IQSEC2: variants seen among roughly 807,000 people sequenced by gnomAD.
IQSEC2 encodes the protein IQ motif and SEC7 domain-containing protein 2.
IQSEC2 carries 6 observed loss-of-function variants against 74.6 expected under a neutral mutation model. The ratio of observed to expected loss-of-function variants is 0.08; its 90% confidence interval spans 0.04 to 0.16. The LOEUF (loss-of-function observed/expected upper bound fraction) is 0.16, where lower values mean the gene tolerates loss of function less well. Among genes scored for constraint, IQSEC2 ranks in the 10% least tolerant of loss-of-function variants. The pLI is 1.00. For synonymous variants in IQSEC2, 494 were observed against 544.5 expected (o/e 0.91, Z 1.29); for missense variants, 734 against 1,306.2 (o/e 0.56, Z 6.75).
intron 1 of IQSEC2, among the ~76,000 whole-genome samples, chrX:53,295,117 C>T (rs2075138038): frequency 8.9e-6 from 1 of 112,002 alleles, no homozygotes; most frequent in South Asian, 3.7e-4. Context: ...GCCACTGCAC[C>T]TGGCCAGCCT....
chrX:53,288,896 T>C (rs1408482364), intron 2 of IQSEC2, among the ~76,000 whole-genome samples: 3 of 111,207 alleles, frequency 2.7e-5, no homozygotes, highest in Non-Finnish European at 5.7e-5. Flanking sequence ...TATCTTTAGG[T>C]CAGATCTGTG....
intron 9 of IQSEC2, among the ~76,000 whole-genome samples, chrX:53,242,433 C>CAAAAAA (rs138931001): frequency 5.6e-5 from 2 of 36,004 alleles, no homozygotes; most frequent in African/African-American, 2.1e-4. Context: ...AACTCCATGT[C>CAAAAAA]AAAAAAAAAA....
intron 1 of IQSEC2, among the ~76,000 whole-genome samples, chrX:53,309,274 G>A (rs1556877479): frequency 8.9e-6 from 1 of 112,098 alleles, no homozygotes; most frequent in Non-Finnish European, 1.9e-5. Context: ...ACCGCCAGAA[G>A]AACTAAATGG....
intron 2 of IQSEC2, among the ~76,000 whole-genome samples, chrX:53,274,652 G>A (rs180866254): frequency 4.6e-5 from 5 of 108,162 alleles, no homozygotes; most frequent in Admixed American, 4.0e-4. Context: ...TACTAGAGAC[G>A]GAGTTTCACC....
At chrX:53,311,142 A>C (rs1283603788) in intron 1 of IQSEC2, among the ~76,000 whole-genome samples, 1 of 101,387 alleles carries the variant, frequency 9.9e-6, no homozygotes, top group Non-Finnish European at 2.0e-5. Flanking sequence ...AAAAGAAAAG[A>C]AAAGAAAAGA....
chrX:53,261,892 C>A (rs1283790556), intron 2 of IQSEC2, among the ~76,000 whole-genome samples: 1 of 112,179 alleles, frequency 8.9e-6, no homozygotes, highest in Non-Finnish European at 1.9e-5. Context: ...AATAAACTCG[C>A]ACTTACTGCG....
chrX:53,313,999 A>G (rs1205296776), intron 1 of IQSEC2, among the ~76,000 whole-genome samples: 3 of 112,022 alleles, frequency 2.7e-5, no homozygotes, highest in Non-Finnish European at 5.6e-5. Flanking sequence ...AAAAGAATTT[A>G]TTTTTCCTTA....
At chrX:53,277,946 C>G (rs898378928) in intron 2 of IQSEC2, among the ~76,000 whole-genome samples, 1 of 108,524 alleles carries the variant, frequency 9.2e-6, no homozygotes, top group Non-Finnish European at 1.9e-5. Context: ...CCTGGGATTA[C>G]AGGCATGAGC....
At chrX:53,275,252 A>G (rs2074810424) in intron 2 of IQSEC2, among the ~76,000 whole-genome samples, 1 of 108,023 alleles carries the variant, frequency 9.3e-6, no homozygotes, top group Non-Finnish European at 1.9e-5. Context: ...TGCATCCTCC[A>G]CCTCCCGGGT....
chrX:53,272,954 C>G (rs936708944), intron 2 of IQSEC2, among the ~76,000 whole-genome samples: 2 of 111,396 alleles, frequency 1.8e-5, no homozygotes, highest in African/African-American at 6.5e-5. Context: ...CACCCAGGAG[C>G]CTTACATGCA....
rs782559635 is a variant in IQSEC2 at position 53,234,806 on chromosome X, G to T, written c.3880C>A (p.Pro1294Thr). Residue 1294 changes from proline to threonine, a missense_variant, in exon 15 of 15, where the codon CCC (proline) becomes ACC (threonine). This residue lies in a region of IQSEC2 where 249 missense variants were observed against 467.9 expected (regional missense o/e 0.53). Transcript: ENST00000642864. ...TGGGGCAAGGGTGGGGGCTGCTGGG[G>T]AGGTGGGGGAAGAGAGGGCTGCTGG... Reference protein sequence around the residue: ...PPQQPSLPPPPQQPPPLPQLG... With the variant: ...PPQQPSLPPPTQQPPPLPQLG... 3.7e-5 allele frequency: 40 copies of T among 1,079,564 alleles called. No homozygotes were observed. Among genetic ancestry groups the T allele is most frequent in the Non-Finnish European group, 4.7e-5 (38 of 815,047 alleles). The allele number at this position is 1,079,564 out of a possible 1,213,427, so 89.0% of individuals were successfully genotyped here. A position where few individuals can be genotyped will look rare whatever the true frequency, so the allele number is the denominator to read the frequency against.
chrX:53,226,709 G>A (rs782748860), downstream of IQSEC2: 2 of 112,044 alleles, frequency 1.8e-5, no homozygotes, highest in South Asian at 3.7e-4. Flanking sequence ...TCCTGGCTGA[G>A]GGAACAGGGC....
chrX:53,252,102 C>T (rs184700942), intron 4 of IQSEC2, among the ~76,000 whole-genome samples: 3,037 of 111,912 alleles, frequency 0.027, 112 homozygotes, highest in African/African-American at 0.093. Flanking sequence ...TTGCTCTCAC[C>T]CAGGCTGGAG....
intron 10 of IQSEC2, among the ~76,000 whole-genome samples, chrX:53,239,877 G>A (rs183314116): frequency 2.7e-5 from 3 of 112,322 alleles, no homozygotes; most frequent in African/African-American, 6.5e-5. Context: ...CGGTCTGCAA[G>A]TGGCTCGTAA....
chrX:53,287,215 C>T (rs1173460408), intron 2 of IQSEC2, among the ~76,000 whole-genome samples: 2 of 112,022 alleles, frequency 1.8e-5, no homozygotes, highest in African/African-American at 6.5e-5. Context: ...AGTGGGCTTC[C>T]GTTCCTCACA....
At chrX:53,270,922 T>C (rs782797858) in intron 2 of IQSEC2, among the ~76,000 whole-genome samples, 1 of 111,476 alleles carries the variant, frequency 9.0e-6, no homozygotes, top group Non-Finnish European at 1.9e-5. Context: ...CCTTGGCTTC[T>C]CTCTCCCTTG....
intron 2 of IQSEC2, among the ~76,000 whole-genome samples, chrX:53,289,955 G>C (rs948275884): frequency 1.5e-4 from 17 of 112,286 alleles, no homozygotes; most frequent in African/African-American, 5.5e-4. Context: ...CATATTCCAA[G>C]TTGTTAGTAT....
At chrX:53,312,123 A>G (rs902790841) in intron 1 of IQSEC2, among the ~76,000 whole-genome samples, 1 of 110,636 alleles carries the variant, frequency 9.0e-6, no homozygotes, top group African/African-American at 3.3e-5. Flanking sequence ...TGCTGGGCCC[A>G]TACCTCTGTG....
chrX:53,320,905 G>A lies in IQSEC2; in HGVS notation c.219C>T (p.His73=), dbSNP rs899190193. 8.6e-7 allele frequency: 1 copy of A among 1,162,588 alleles called. No individual in the cohort carries two copies. The highest frequency in any genetic ancestry group is 1.8e-5 in the African/African-American group (1 of 55,372). The stretch of plus-strand genomic sequence containing the variant: ...TATCCCGCGCGCCGTGGGGGTCCCG[G>A]TGCAGCTCCCCGCGGTGCAGCTGGC... ...EESQLHRGEL[H]RDPHGARDSP... is the part of the protein sequence containing the mutation. The change falls in exon 1 of 15, where the codon CAC becomes CAT. Residue 73 remains histidine (H), a synonymous_variant. Transcript: ENST00000642864.
Sources: allele counts gnomAD v4.1 joint callset (sites outside exome capture counted in the v4.1 genomes callset), GRCh38; gene constraint gnomAD v4.1.1; regional missense constraint gnomAD v4.1.1; transcripts MANE v1.5; gene names NCBI Gene and HGNC (gene_info 2026-07-23, HGNC 2026-07-21).